HTT: variants seen among roughly 807,000 people sequenced by gnomAD.
The protein encoded by HTT is huntingtin, also known as huntington disease protein.
A neutral mutation model predicts 362.3 loss-of-function variants in HTT; 104 were observed. The observed-to-expected ratio is 0.29, with a 90% confidence interval of 0.24 to 0.34. HTT has a LOEUF of 0.34. Among genes scored for constraint, HTT ranks in the 10% least tolerant of loss-of-function variants. The probability of loss-of-function intolerance (pLI) is 1.00; values close to 1 mark genes in which losing one functional copy is unlikely to be tolerated. For synonymous variants in HTT, 1,577 were observed against 1,548.7 expected (o/e 1.02, Z -0.43); for missense variants, 3,301 against 3,928.6 (o/e 0.84, Z 4.27).
chr4:3,208,951 T>C, intron 46 of HTT, 40 bp downstream of exon 46: 1 of 1,574,822 alleles, frequency 6.3e-7, no homozygotes, highest in Non-Finnish European at 8.6e-7. Context: ...CACAGGGCGC[T>C]GAGTGCCTCT....
intron 29 of HTT, among the ~76,000 whole-genome samples, chr4:3,171,161 A>G (rs185435878): frequency 6.6e-6 from 1 of 152,346 alleles, no homozygotes; most frequent in Admixed American, 6.5e-5. Context: ...GTGTGTGACA[A>G]ATTCAATTCT....
chr4:3,209,236 T>C (rs563984304), intron 46 of HTT, among the ~76,000 whole-genome samples: 34 of 152,180 alleles, frequency 2.2e-4, no homozygotes, highest in African/African-American at 7.9e-4. Flanking sequence ...CATCTCCTCA[T>C]ACCTTCTGGC....
intron 61 of HTT, among the ~76,000 whole-genome samples, chr4:3,234,979 C>A (rs1039749899): frequency 6.6e-6 from 1 of 152,100 alleles, no homozygotes; most frequent in Non-Finnish European, 1.5e-5. Flanking sequence ...TCTAGGGCCT[C>A]GTTGAGGGAC....
At position 3,127,752 on chromosome 4, in the gene HTT, T is replaced by A. The variant is rs561400398; in HGVS notation, c.1743+148T>A. ...ACTGAGGCAGGCGGATCACTTGAGG[T>A]CAGGAGTTCGAGACCAGCCTGGCCA... On this transcript the variant is annotated intron_variant, in intron 12 of 66. Transcript: ENST00000355072. 4.8e-6 allele frequency: 3 copies of A among 631,162 alleles called. No homozygotes were observed. In the East Asian group the frequency reaches 8.4e-5, roughly 18 times the overall value. The allele number at this position is 631,162 out of a possible 1,614,324, so 39.1% of individuals were successfully genotyped here. A position where few individuals can be genotyped will look rare whatever the true frequency, so the allele number is the denominator to read the frequency against.
intron 49 of HTT, 107 bp downstream of exon 49, chr4:3,212,816 C>T: frequency 8.4e-7 from 1 of 1,189,474 alleles, no homozygotes; most frequent in East Asian, 2.4e-5. Flanking sequence ...CTGACCAGTC[C>T]AGTCACTTTT....
chr4:3,084,198 CTTTTTTT>C lies in HTT; in HGVS notation c.264-2724_264-2718del, dbSNP rs4038024. Among the ~76,000 whole-genome samples, 164 of 81,952 alleles carry C rather than the reference CTTTTTTT, an allele frequency of 2.0e-3. 1 individual carries two copies. The highest frequency in any genetic ancestry group is 3.0e-3 in the Non-Finnish European group (126 of 42,148). 53.8% of individuals were successfully genotyped at this position (81,952 alleles called of 152,430 possible). ...AATACTTGTAATGGAAATGCTTTGT[CTTTTTTT>C]TTTTTTTTTTTTTTTTGGCGACAGA... On this transcript the variant is annotated intron_variant, in intron 1 of 66. Coordinates refer to ENST00000355072, the MANE Select transcript of HTT (RefSeq NM_001388492.1).
At chr4:3,191,827 A>T (rs947431093) in intron 40 of HTT, among the ~76,000 whole-genome samples, 1 of 152,196 alleles carries the variant, frequency 6.6e-6, no homozygotes, top group African/African-American at 2.4e-5. Flanking sequence ...GTGATGTCTA[A>T]AGTTGTCTGA....
intron 29 of HTT, among the ~76,000 whole-genome samples, chr4:3,163,619 G>C (rs1414896900): frequency 6.6e-6 from 1 of 152,170 alleles, no homozygotes; most frequent in Non-Finnish European, 1.5e-5. Context: ...AGTCTATTCA[G>C]AGATTCAGCT....
At chr4:3,220,651 T>A (rs1208838328) in intron 53 of HTT, among the ~76,000 whole-genome samples, 1 of 152,104 alleles carries the variant, frequency 6.6e-6, no homozygotes, top group Non-Finnish European at 1.5e-5. Flanking sequence ...CAGAATGTTT[T>A]CTTGTGTTCA....
At chr4:3,161,740 A>T (rs932661678) in intron 29 of HTT, among the ~76,000 whole-genome samples, 6 of 151,978 alleles carry the variant, frequency 3.9e-5, no homozygotes, top group African/African-American at 1.5e-4. Flanking sequence ...GTGTCTGTTC[A>T]TATCCTTTGT....
At chr4:3,214,871 C>T (rs1284717750) in intron 50 of HTT, among the ~76,000 whole-genome samples, 2 of 152,224 alleles carry the variant, frequency 1.3e-5, no homozygotes, top group Middle Eastern at 3.4e-3. Context: ...AGGAGACAGT[C>T]GAGGGACTTA....
chr4:3,230,151 G>A (rs1057091716), intron 60 of HTT, 109 bp downstream of exon 60: 30 of 917,616 alleles, frequency 3.3e-5, no homozygotes, highest in Non-Finnish European at 5.0e-5. Context: ...CCTTCCAAGA[G>A]TTGACCCGAA....
chr4:3,112,934 C>G (rs1714838049), intron 6 of HTT: 1 of 496,850 alleles, frequency 2.0e-6, no homozygotes, highest in South Asian at 8.7e-5. Flanking sequence ...TTACTCTTAG[C>G]CTTCCTGATG....
chr4:3,094,672 C>A (rs1462534575), intron 2 of HTT, among the ~76,000 whole-genome samples: 5 of 128,580 alleles, frequency 3.9e-5, no homozygotes, highest in African/African-American at 1.7e-4. Flanking sequence ...GCGGGGGCTG[C>A]CCCCCACCTC....
At chr4:3,121,138 A>G (rs1224898336) in intron 8 of HTT, 90 bp from the exon 9 acceptor site, 1 of 844,268 alleles carries the variant, frequency 1.2e-6, no homozygotes, top group African/African-American at 1.7e-5. Context: ...AAACTTTGTC[A>G]ATGAAGTCCT....
At chr4:3,203,902 C>T in intron 41 of HTT, 105 bp from the exon 42 acceptor site, 3 of 1,090,712 alleles carry the variant, frequency 2.8e-6, no homozygotes, top group Admixed American at 2.0e-5. Flanking sequence ...TTTAAAACAA[C>T]TTGTCTGTTT....
chr4:3,217,916 G>C lies in HTT; in HGVS notation c.7206G>C (p.Leu2402=), dbSNP rs1231412603. ...LRNIIISLAR[L]PLVNSYTRVP... ...ACATCATCATCAGCCTGGCCCGCCT[G>C]CCCCTTGTCAACAGCTACACACGTG... The change falls in exon 52 of 67, where the codon CTG becomes CTC. Residue 2402 remains leucine (L), a synonymous_variant. Coordinates refer to ENST00000355072, the MANE Select transcript of HTT (RefSeq NM_001388492.1). The C allele has an allele frequency of 1.2e-6, 2 of 1,613,298 alleles. No individual in the cohort carries two copies.
chr4:3,175,573 A>G (rs534479842), intron 33 of HTT, among the ~76,000 whole-genome samples: 39 of 152,320 alleles, frequency 2.6e-4, no homozygotes, highest in African/African-American at 9.4e-4. Flanking sequence ...CAGGACAGTA[A>G]CTGAGACCCG....
Position 3,204,112 on chromosome 4 carries a change from A to T in HTT, c.5682A>T (p.Val1894=), listed in dbSNP as rs1006427616. The change falls in exon 42 of 67, where the codon GTA becomes GTT. Residue 1894 remains valine, a synonymous_variant. Transcript: ENST00000355072. ...TTGGAATGTGCAATAGAGAAATAGTACGAAGAGGGGCTCTCATTCTCTTCT... is the reference window on the plus strand; with the variant it reads ...TTGGAATGTGCAATAGAGAAATAGTTCGAAGAGGGGCTCTCATTCTCTTCT... ...AKLGMCNREI[V]RRGALILFCD... The T allele has an allele frequency of 6.2e-7, 1 of 1,614,212 alleles. No individual in the cohort carries two copies. Among genetic ancestry groups the T allele is most frequent in the South Asian group, 1.1e-5 (1 of 91,088 alleles).
Sources: allele counts gnomAD v4.1 joint callset (sites outside exome capture counted in the v4.1 genomes callset), GRCh38; gene constraint gnomAD v4.1.1; transcripts MANE v1.5; gene names NCBI Gene and HGNC (gene_info 2026-07-23, HGNC 2026-07-21).